Variants in RPH3AL observed in about 807,000 individuals in gnomAD.
RPH3AL encodes the protein rab effector Noc2.
RPH3AL carries 38 observed loss-of-function variants against 43.1 expected under a neutral mutation model. The ratio of observed to expected loss-of-function variants is 0.88; its 90% CI spans 0.68 to 1.15. The LOEUF (loss-of-function observed/expected upper bound fraction) is 1.15. Ranked by LOEUF, RPH3AL falls within the 50% of genes most tolerant of loss-of-function variation. RPH3AL has a pLI of 0.00. For missense variants in RPH3AL, 462 were observed against 423.2 expected (o/e 1.09, Z -0.81); for synonymous variants, 189 against 176.3 (o/e 1.07, Z -0.57).
intron 6 of RPH3AL, among the ~76,000 whole-genome samples, chr17:259,865 T>C (rs1445795642): frequency 1.3e-5 from 2 of 152,232 alleles, no homozygotes. Context: ...CCCAGGGAAT[T>C]TTAATTACCA....
intron 5 of RPH3AL, among the ~76,000 whole-genome samples, chr17:298,863 C>T (rs540984419): frequency 1.7e-4 from 26 of 152,196 alleles, no homozygotes; most frequent in Middle Eastern, 3.4e-3. Context: ...ATGCACAGAA[C>T]GGAGCTCCAA....
At chr17:317,385 G>C (rs1209546768) in intron 5 of RPH3AL, among the ~76,000 whole-genome samples, 1 of 145,020 alleles carries the variant, frequency 6.9e-6, no homozygotes, top group Admixed American at 6.9e-5. Flanking sequence ...TAGTCCCTGT[G>C]GCCCCACGTC....
chr17:315,417 C>G lies in RPH3AL; in HGVS notation c.351+4003G>C, dbSNP rs2043964231. Among the ~76,000 whole-genome samples, 757 of 151,086 alleles carry G rather than the reference C, an allele frequency of 5.0e-3. 1 individual carries two copies. The highest frequency in any genetic ancestry group is 7.7e-3 in the Non-Finnish European group (518 of 67,314). Reference sequence around the variant, plus strand: ...TGACCTGTAGTCCCTGTGCCCCCACCTCCATTGACCTGTAGTCCCTGTGCC... The same window carrying G: ...TGACCTGTAGTCCCTGTGCCCCCACGTCCATTGACCTGTAGTCCCTGTGCC... On this transcript the variant is annotated intron_variant, in intron 5 of 9. Coordinates refer to ENST00000331302, the MANE Select transcript of RPH3AL (RefSeq NM_006987.4).
In RPH3AL at chr17:258,757, G is replaced by GTTTTTTTTTTTTTTTTTTTTT. The variant is rs372761475; in HGVS notation, c.439-11493_439-11473dup. Among the ~76,000 whole-genome samples, 10 of 98,770 alleles carry GTTTTTTTTTTTTTTTTTTTTT rather than the reference G, an allele frequency of 1.0e-4. 3 individuals carry two copies. Among genetic ancestry groups the GTTTTTTTTTTTTTTTTTTTTT allele is most frequent in the Non-Finnish European group, 4.2e-5 (2 of 47,482 alleles). The allele number at this position is 98,770 out of a possible 152,430, so 64.8% of individuals were successfully genotyped here. On this transcript the variant is annotated intron_variant, in intron 6 of 9. Transcript: ENST00000331302. ...TCAGCCATTTTGGGATAGTCAACCC[G>GTTTTTTTTTTTTTTTTTTTTT]TTTTTTTTTTTTTTTTTTTTTGAGA...
At chr17:318,382 T>TGGG (rs966894145) in intron 5 of RPH3AL, among the ~76,000 whole-genome samples, 1 of 151,928 alleles carries the variant, frequency 6.6e-6, no homozygotes, top group African/African-American at 2.4e-5. Context: ...ACTCCGTCTC[T>TGGG]GGGGGTGGAA....
chr17:236,624 C>T (rs1262774777), intron 7 of RPH3AL, among the ~76,000 whole-genome samples: 14 of 152,238 alleles, frequency 9.2e-5, no homozygotes, highest in Non-Finnish European at 1.8e-4. Context: ...ACAGAGCTGG[C>T]ACAAGTAGAA....
At chr17:235,595 G>A (rs545578432) in intron 7 of RPH3AL, among the ~76,000 whole-genome samples, 2,021 of 116,904 alleles carry the variant, frequency 0.017, 164 homozygotes, top group Middle Eastern at 0.045. Flanking sequence ...CTAACAAGAC[G>A]GATCCCGGGT....
In RPH3AL at chr17:265,395, T is replaced by C. The variant is rs1364075174; in HGVS notation, c.438+16373A>G. ...ACAGGTGCCTGGCCAAGAGATATTT[T>C]TTGTATTGTAATATAAGTAATTAGA... On this transcript the variant is annotated intron_variant, in intron 6 of 9. Coordinates refer to ENST00000331302, the MANE Select transcript of RPH3AL (RefSeq NM_006987.4). 4.6e-5 allele frequency among the ~76,000 whole-genome samples: 7 copies of C among 152,214 alleles called. No homozygotes were observed. The East Asian group carries it at 1.3e-3, about 29-fold the overall frequency.
At chr17:313,631 C>T (rs779131014) in intron 5 of RPH3AL, among the ~76,000 whole-genome samples, 5 of 152,150 alleles carry the variant, frequency 3.3e-5, no homozygotes, top group Non-Finnish European at 7.4e-5. Flanking sequence ...CCTCGGTGTA[C>T]CTAGTCTTGC....
chr17:263,804 G>A (rs1007164420), intron 6 of RPH3AL, among the ~76,000 whole-genome samples: 1 of 152,146 alleles, frequency 6.6e-6, no homozygotes, highest in East Asian at 1.9e-4. Flanking sequence ...GTATGAGTTG[G>A]TAACACACCG....
chr17:239,330 T>C (rs942322732), intron 7 of RPH3AL, among the ~76,000 whole-genome samples: 10 of 152,366 alleles, frequency 6.6e-5, no homozygotes, highest in Admixed American at 6.5e-4. Context: ...ATCTGCAGTG[T>C]GTTTCTGGAT....
chr17:233,630 C>G (rs1352077478), intron 7 of RPH3AL, among the ~76,000 whole-genome samples: 1 of 152,152 alleles, frequency 6.6e-6, no homozygotes, highest in Non-Finnish European at 1.5e-5. Flanking sequence ...ACATGAGGGC[C>G]CTTCCCTTCT....
intron 7 of RPH3AL, among the ~76,000 whole-genome samples, chr17:233,576 C>A (rs1172039869): frequency 6.6e-6 from 1 of 152,172 alleles, no homozygotes; most frequent in African/African-American, 2.4e-5. Context: ...ATGCCCCTGC[C>A]TCCCACTGGC....
rs138510734 is a variant in RPH3AL, at chr17:235,124, G to A, written c.613+11987C>T. Among the ~76,000 whole-genome samples, 780 of 151,632 alleles carry A rather than the reference G, an allele frequency of 5.1e-3. 4 individuals are homozygous for A. The highest frequency in any genetic ancestry group is 0.016 in the African/African-American group (673 of 41,280). On this transcript the variant is annotated intron_variant, in intron 7 of 9. Transcript: ENST00000331302. The stretch of plus-strand genomic sequence containing the variant: ...CCCGGGTTCAAAGCTGGGGTCGGCC[G>A]AGGCTCTGCACTAACAAGACGGGTG...
chr17:241,671 G>C (rs558403721), intron 7 of RPH3AL, among the ~76,000 whole-genome samples: 80 of 151,252 alleles, frequency 5.3e-4, no homozygotes, highest in Admixed American at 1.3e-3. Context: ...ACAGAGAAAG[G>C]GTTTGGAGAT....
intron 1 of RPH3AL, among the ~76,000 whole-genome samples, chr17:337,003 G>A (rs2044975251): frequency 6.6e-6 from 1 of 152,190 alleles, no homozygotes; most frequent in Non-Finnish European, 1.5e-5. Flanking sequence ...ATCCTCGGGG[G>A]CATTTACCTG....
chr17:231,945 GAA>G (rs2041240022), intron 7 of RPH3AL, among the ~76,000 whole-genome samples: 3 of 152,268 alleles, frequency 2.0e-5, no homozygotes, highest in African/African-American at 7.2e-5. Flanking sequence ...GCTGCTGGGG[GAA>G]GAGGTCGGGT....
At chr17:260,436 CCTG>C (rs2042170792) in intron 6 of RPH3AL, among the ~76,000 whole-genome samples, 1 of 152,146 alleles carries the variant, frequency 6.6e-6, no homozygotes, top group African/African-American at 2.4e-5. Flanking sequence ...CAGTGAGGAG[CCTG>C]CTATGTTACT....
At chr17:262,759 C>CA (rs2042230952) in intron 6 of RPH3AL, among the ~76,000 whole-genome samples, 1 of 152,326 alleles carries the variant, frequency 6.6e-6, no homozygotes, top group African/African-American at 2.4e-5. Context: ...GCCCACACAC[C>CA]AAGCCAATAT....
Sources: allele counts gnomAD v4.1 joint callset (sites outside exome capture counted in the v4.1 genomes callset), GRCh38; gene constraint gnomAD v4.1.1; transcripts MANE v1.5; gene names NCBI Gene and HGNC (gene_info 2026-07-23, HGNC 2026-07-21).